The following VMP1 variants were observed in gnomAD, a reference collection of about 807,000 sequenced individuals.
VMP1 encodes vacuole membrane protein 1.
A neutral mutation model predicts 56.0 loss-of-function variants in VMP1; 11 were observed. The observed-to-expected ratio is 0.20, with a 90% CI of 0.12 to 0.32. The LOEUF is 0.32. Ranked by LOEUF, VMP1 falls within the 10% of genes least tolerant of loss-of-function variation. VMP1 has a pLI of 1.00. For synonymous variants in VMP1, 149 were observed against 165.0 expected (o/e 0.90, Z 0.74); for missense variants, 296 against 490.3 (o/e 0.60, Z 3.74).
chr17:59,788,125 T>G (rs1296116431), intron 7 of VMP1, among the ~76,000 whole-genome samples: 3 of 152,190 alleles, frequency 2.0e-5, no homozygotes, highest in Non-Finnish European at 4.4e-5. Context: ...TGCAGTCCAG[T>G]CATTAGCAGG....
intron 8 of VMP1, among the ~76,000 whole-genome samples, chr17:59,810,584 A>G (rs1165045562): frequency 2.0e-5 from 3 of 152,214 alleles, no homozygotes; most frequent in Non-Finnish European, 4.4e-5. Context: ...AGCAGGTGTG[A>G]TGCTGTGTAA....
At position 59,823,447 on chromosome 17, in the gene VMP1, C is replaced by CA. The variant is rs71145578; in HGVS notation, c.974+5691dup. On this transcript the variant is annotated intron_variant, in intron 10 of 11. Transcript: ENST00000262291. ...GCCTGGATGACAGTGAGATATGTCT[C>CA]AAAAAAAAAAAAAAAAATCGGGCCG... is the stretch of plus-strand genomic sequence containing the variant. Among the ~76,000 whole-genome samples, 557 of 122,204 alleles carry CA rather than the reference C, an allele frequency of 4.6e-3. 2 individuals are homozygous for CA. Among genetic ancestry groups the CA allele is most frequent in the African/African-American group, 0.011 (333 of 30,000 alleles). 80.2% of individuals were successfully genotyped at this position (122,204 alleles called of 152,430 possible). A position where few individuals can be genotyped will look rare whatever the true frequency, so the allele number is the denominator to read the frequency against.
At chr17:59,831,367 C>T (rs1204522416) in intron 10 of VMP1, among the ~76,000 whole-genome samples, 1 of 151,990 alleles carries the variant, frequency 6.6e-6, no homozygotes, top group Non-Finnish European at 1.5e-5. Flanking sequence ...AGACAGGGTT[C>T]TCACTATGTT....
chr17:59,749,963 G>A (rs2035578018), intron 5 of VMP1, among the ~76,000 whole-genome samples: 1 of 152,120 alleles, frequency 6.6e-6, no homozygotes, highest in Non-Finnish European at 1.5e-5. Flanking sequence ...GTCTAGAACA[G>A]AGCCTAGTAC....
At chr17:59,728,227 G>A (rs2034683844) in intron 1 of VMP1, among the ~76,000 whole-genome samples, 1 of 152,016 alleles carries the variant, frequency 6.6e-6, no homozygotes, top group African/African-American at 2.4e-5. Flanking sequence ...GTTTAGACAA[G>A]GAATAAATTA....
chr17:59,822,670 G>A (rs2038496099), intron 10 of VMP1, among the ~76,000 whole-genome samples: 1 of 151,984 alleles, frequency 6.6e-6, no homozygotes, highest in Non-Finnish European at 1.5e-5. Flanking sequence ...TTAATAAGTA[G>A]CCTCACCAAA....
chr17:59,747,309 G>A (rs2143880966), intron 5 of VMP1, among the ~76,000 whole-genome samples: 1 of 152,290 alleles, frequency 6.6e-6, no homozygotes, highest in South Asian at 2.1e-4. Flanking sequence ...TGTAATCCCA[G>A]CACATTGGGA....
intron 11 of VMP1, chr17:59,838,784 A>C (rs187977447): frequency 6.3e-6 from 1 of 159,928 alleles, no homozygotes; most frequent in African/African-American, 2.4e-5. Context: ...TTTTCACTCT[A>C]TTTTTCTTTT....
At chr17:59,720,810 C>T (rs1006179984) in intron 1 of VMP1, among the ~76,000 whole-genome samples, 27 of 151,468 alleles carry the variant, frequency 1.8e-4, no homozygotes, top group African/African-American at 6.3e-4. Flanking sequence ...TCCGTCTCTA[C>T]TAAATACAAA....
At chr17:59,724,937 G>T (rs1285821486) in intron 1 of VMP1, among the ~76,000 whole-genome samples, 2 of 151,110 alleles carry the variant, frequency 1.3e-5, no homozygotes, top group Non-Finnish European at 2.9e-5. Flanking sequence ...CTGCACTCCA[G>T]CCTGGGCGAC....
At chr17:59,721,958 T>C (rs1328715486) in intron 1 of VMP1, among the ~76,000 whole-genome samples, 7 of 152,184 alleles carry the variant, frequency 4.6e-5, no homozygotes, top group Non-Finnish European at 1.0e-4. Context: ...TCTTCCTGGC[T>C]TACAGACAGC....
At chr17:59,742,982 T>C (rs1171527307) in intron 5 of VMP1, among the ~76,000 whole-genome samples, 2 of 152,182 alleles carry the variant, frequency 1.3e-5, no homozygotes, top group African/African-American at 4.8e-5. Context: ...AACTGGTTCC[T>C]GGTGCCCAAA....
At chr17:59,817,671 G>T in intron 9 of VMP1, 41 bp from the exon 10 acceptor site, 2 of 1,475,222 alleles carry the variant, frequency 1.4e-6, no homozygotes, top group Non-Finnish European at 9.4e-7. Flanking sequence ...TTGGTTTTTT[G>T]ATGACTAAAT....
chr17:59,766,857 G>A (rs1402593354), intron 6 of VMP1, among the ~76,000 whole-genome samples: 2 of 151,640 alleles, frequency 1.3e-5, no homozygotes, highest in East Asian at 3.9e-4. Flanking sequence ...TCGGCTCACT[G>A]CAACCTCTGT....
At chr17:59,751,546 A>G (rs2035642471) in intron 5 of VMP1, among the ~76,000 whole-genome samples, 1 of 151,096 alleles carries the variant, frequency 6.6e-6, no homozygotes, top group African/African-American at 2.4e-5. Context: ...GTTTGAGACC[A>G]GCCTGGCCAA....
intron 2 of VMP1, among the ~76,000 whole-genome samples, chr17:59,734,232 A>G (rs1054358080): frequency 2.0e-5 from 3 of 151,602 alleles, no homozygotes; most frequent in Non-Finnish European, 4.4e-5. Flanking sequence ...AAGAAATGGC[A>G]ACTATAATAT....
At chr17:59,725,417 C>T (rs866935525) in intron 1 of VMP1, among the ~76,000 whole-genome samples, 89 of 152,018 alleles carry the variant, frequency 5.9e-4, no homozygotes, top group African/African-American at 2.1e-3. Context: ...AATGTTAAAT[C>T]CTTTAGAAAA....
intron 5 of VMP1, among the ~76,000 whole-genome samples, chr17:59,762,936 C>A (rs1462195059): frequency 1.3e-5 from 2 of 152,066 alleles, no homozygotes; most frequent in Non-Finnish European, 2.9e-5. Context: ...TCCTATCTAT[C>A]CCAGAAATCT....
chr17:59,816,869 C>G (rs62081820), intron 9 of VMP1, among the ~76,000 whole-genome samples: 19,570 of 150,754 alleles, frequency 0.13, 1,554 homozygotes, highest in Middle Eastern at 0.22. Flanking sequence ...TGGCTTGACC[C>G]TGGGAGGCGG....
Sources: allele counts gnomAD v4.1 joint callset (sites outside exome capture counted in the v4.1 genomes callset), GRCh38; gene constraint gnomAD v4.1.1; transcripts MANE v1.5; gene names NCBI Gene and HGNC (gene_info 2026-07-23, HGNC 2026-07-21).